The following HS3ST6 variants were observed in gnomAD, a reference collection of about 807,000 sequenced individuals.
HS3ST6 encodes the protein heparan sulfate glucosamine 3-O-sulfotransferase 6.
In HS3ST6, 13 loss-of-function variants were observed where a neutral mutation model predicts 11.0. The observed-to-expected ratio is 1.18, with a 90% CI of 0.77 to 1.88. The LOEUF (loss-of-function observed/expected upper bound fraction) is 1.88, where lower values mean the gene tolerates loss of function less well. Ranked by LOEUF, HS3ST6 falls within the 40% of genes most tolerant of loss-of-function variation. HS3ST6 has a pLI of 0.00. For synonymous variants in HS3ST6, 232 were observed against 230.6 expected (o/e 1.01, Z -0.06); for missense variants, 541 against 494.4 (o/e 1.09, Z -0.89).
chr16:1,917,778 G>A, intron 1 of HS3ST6, 133 bp downstream of exon 1: 1 of 592,592 alleles, frequency 1.7e-6, no homozygotes, highest in Non-Finnish European at 2.6e-6. Flanking sequence ...GCCCCCACAG[G>A]GCGGTCCCAA....
intron 1 of HS3ST6, among the ~76,000 whole-genome samples, chr16:1,915,151 C>T (rs533209478): frequency 4.6e-5 from 7 of 152,234 alleles, no homozygotes; most frequent in Non-Finnish European, 8.8e-5. Context: ...CACAGGAGAC[C>T]GGGTTCTTCC....
At chr16:1,919,161 G>T (rs1238487443), upstream of HS3ST6, among the ~76,000 whole-genome samples, 1 of 152,236 alleles carries the variant, frequency 6.6e-6, no homozygotes, top group Non-Finnish European at 1.5e-5. Flanking sequence ...CATCTGCCCA[G>T]CCTTGGTCCA....
chr16:1,915,013 C>A (rs1314597668), intron 1 of HS3ST6, among the ~76,000 whole-genome samples: 1 of 152,154 alleles, frequency 6.6e-6, no homozygotes, highest in Non-Finnish European at 1.5e-5. Context: ...TTCATCCAGC[C>A]CTGGGCGACC....
chr16:1,913,203 G>A (rs989916052), intron 1 of HS3ST6, among the ~76,000 whole-genome samples: 9 of 152,256 alleles, frequency 5.9e-5, no homozygotes, highest in African/African-American at 9.6e-5. Context: ...AGTCGGAGAC[G>A]TGGCGGCGCC....
chr16:1,920,372 T>C (rs2082957223), upstream of HS3ST6, among the ~76,000 whole-genome samples: 1 of 137,456 alleles, frequency 7.3e-6, no homozygotes, highest in South Asian at 2.5e-4. Flanking sequence ...GTCTCAGCTG[T>C]TCCCACGGTC....
At chr16:1,917,864 C>A in intron 1 of HS3ST6, 47 bp downstream of exon 1, 1 of 1,289,066 alleles carries the variant, frequency 7.8e-7, no homozygotes, top group Non-Finnish European at 1.0e-6. Flanking sequence ...CGCACGATAC[C>A]CTCCCCAGGA....
rs973169542 is a variant in HS3ST6, at chr16:1,912,637, G to A, written c.414-432C>T. On this transcript the variant is annotated intron_variant, in intron 1 of 1. Transcript: ENST00000454677. The surrounding 1 kb of genome is among the most constrained non-coding windows in gnomAD (Gnocchi z 5.6). ...TTTCTCATCCCAGACCAAGTACCCC[G>A]AGGCCCGCCCGCCTAGATCACTTGA... Among the ~76,000 whole-genome samples, 2 of 151,928 alleles carry A rather than the reference G, an allele frequency of 1.3e-5. No homozygotes were observed. The highest frequency in any genetic ancestry group is 4.8e-5 in the African/African-American group (2 of 41,366).
Position 1,911,664 on chromosome 16 carries a change from G to A in HS3ST6, c.955C>T (p.Arg319Cys), listed in dbSNP as rs367946679. The A allele has an allele frequency of 5.8e-5, 93 of 1,610,776 alleles. No individual in the cohort carries two copies. Among genetic ancestry groups the A allele is most frequent in the East Asian group, 3.6e-4 (16 of 44,772 alleles). The part of the protein sequence containing the change: ...HPRVPQALVR[R>C]LQEFYRPFNR... ...AAGGGCCGGTAGAACTCCTGCAGGC[G>A]CCGGACCAGGGCCTGGGGCACGCGT... is the stretch of plus-strand genomic sequence containing the variant. Residue 319 changes from arginine (R) to cysteine (C), a missense_variant, in exon 2 of 2, where the codon CGC becomes TGC. By Grantham distance (180) the Arg-to-Cys change is radical. Coordinates refer to ENST00000454677, the MANE Select transcript of HS3ST6 (RefSeq NM_001009606.4).
chr16:1,920,291 C>T (rs1409971687), upstream of HS3ST6, among the ~76,000 whole-genome samples: 4 of 122,252 alleles, frequency 3.3e-5, no homozygotes, highest in South Asian at 3.1e-4. Context: ...GGAGCCCCCA[C>T]GGTCTCAGCC....
In HS3ST6 at chr16:1,911,864, A is replaced by T; in HGVS notation, c.755T>A (p.Leu252Gln). Reference sequence around the variant, plus strand: ...GACCTCTCCGGCCGGGTCGCTGACCAGACGCTCCCCGCTGACGAACAGGAA... The same window carrying T: ...GACCTCTCCGGCCGGGTCGCTGACCTGACGCTCCCCGCTGACGAACAGGAA... The part of the protein sequence containing the change: ...SHFLFVSGER[L>Q]VSDPAGEVGR... Residue 252 changes from leucine (L) to glutamine (Q), a missense_variant, in exon 2 of 2, where the codon CTG (leucine) becomes CAG (glutamine). Leu to Gln is a moderately radical substitution (Grantham distance 113). Coordinates refer to ENST00000454677, the MANE Select transcript of HS3ST6 (RefSeq NM_001009606.4). 1.2e-6 allele frequency: 2 copies of T among 1,609,154 alleles called. No homozygotes were observed. The highest frequency in any genetic ancestry group is 8.5e-7 in the Non-Finnish European group (1 of 1,177,260).
chr16:1,920,636 T>C (rs1177937925), upstream of HS3ST6, among the ~76,000 whole-genome samples: 1 of 152,122 alleles, frequency 6.6e-6, no homozygotes, highest in Non-Finnish European at 1.5e-5. Context: ...AGAAGGACTT[T>C]CCAGGAGGAA....
In HS3ST6 at chr16:1,918,292, G is replaced by A. The variant is rs551813899; in HGVS notation, c.32C>T (p.Ala11Val). MAGSGGLGGG[A>V]GGGQGAGAGQ... Reference sequence around the variant, plus strand: ...GGCCCCTGCGCCCTGGCCGCCCCCGGCCCCGCCGCCCAGGCCGCCGCTACC... The same window carrying A: ...GGCCCCTGCGCCCTGGCCGCCCCCGACCCCGCCGCCCAGGCCGCCGCTACC... Residue 11 changes from alanine (A) to valine (V), a missense_variant, in exon 1 of 2, where the codon GCC becomes GTC. Physicochemically the swap from Ala to Val is moderately conservative, Grantham distance 64. Transcript: ENST00000454677. This position sits in a 1 kb window ranked among gnomAD's most constrained non-coding sequence, Gnocchi z 6.0. 561 of 816,550 alleles carry A rather than the reference G, an allele frequency of 6.9e-4. 2 individuals carry two copies. In the African/African-American group the frequency reaches 8.4e-3, roughly 12 times the overall value. 50.6% of individuals were successfully genotyped at this position (816,550 alleles called of 1,614,324 possible).
upstream of HS3ST6, among the ~76,000 whole-genome samples, chr16:1,919,394 C>T (rs1000371419): frequency 6.6e-6 from 1 of 151,968 alleles, no homozygotes; most frequent in Non-Finnish European, 1.5e-5. Flanking sequence ...CGCCCAGCAG[C>T]AGCCTGCAGG....
At position 1,912,236 on chromosome 16, in the gene HS3ST6, G is replaced by C; in HGVS notation, c.414-31C>G. On this transcript the variant is annotated intron_variant, in intron 1 of 1. Coordinates refer to ENST00000454677, the MANE Select transcript of HS3ST6 (RefSeq NM_001009606.4). This position sits in a 1 kb window ranked among gnomAD's most constrained non-coding sequence, Gnocchi z 5.6. ...GGACGGGTGCAAGGAGAGGGGGCCT[G>C]AGCCTCCCCAGCCCTAGACCGGCCC... is the stretch of plus-strand genomic sequence containing the variant. 8 of 1,368,656 alleles carry C rather than the reference G, an allele frequency of 5.8e-6. No individual in the cohort carries two copies. Among genetic ancestry groups the C allele is most frequent in the Non-Finnish European group, 7.5e-6 (8 of 1,060,032 alleles). 84.8% of individuals were successfully genotyped at this position (1,368,656 alleles called of 1,614,324 possible).
In HS3ST6 at chr16:1,912,975, A is replaced by G. The variant is rs1016483683; in HGVS notation, c.414-770T>C. On this transcript the variant is annotated intron_variant, in intron 1 of 1. Transcript: ENST00000454677. The surrounding 1 kb of genome is among the most constrained non-coding windows in gnomAD (Gnocchi z 5.6). ...CCCAGCTAATTTTTGTATTTTTAGTAGAGACGGGGTTTCGCCATGTTGGCC... is the reference window on the plus strand; with the variant it reads ...CCCAGCTAATTTTTGTATTTTTAGTGGAGACGGGGTTTCGCCATGTTGGCC... Among the ~76,000 whole-genome samples the G allele has an allele frequency of 1.4e-4, 22 of 152,034 alleles. No individual in the cohort carries two copies. Among genetic ancestry groups the G allele is most frequent in the Non-Finnish European group, 2.4e-4 (16 of 67,992 alleles).
At chr16:1,918,530 G>A (rs1429144607), upstream of HS3ST6, 5 of 150,160 alleles carry the variant, frequency 3.3e-5, no homozygotes, top group Non-Finnish European at 7.3e-5. This position sits in a 1 kb window ranked among gnomAD's most constrained non-coding sequence, Gnocchi z 6.0. Context: ...CGAGGCCACT[G>A]CCTGGGCTGG....
chr16:1,916,631 A>G (rs2082928431), intron 1 of HS3ST6, among the ~76,000 whole-genome samples: 1 of 151,736 alleles, frequency 6.6e-6, no homozygotes, highest in Admixed American at 6.6e-5. Context: ...CTCAGATCCC[A>G]CCCCCAGTCT....
chr16:1,913,034 C>T (rs914466864), intron 1 of HS3ST6, among the ~76,000 whole-genome samples: 7 of 152,068 alleles, frequency 4.6e-5, no homozygotes, highest in African/African-American at 1.4e-4. Flanking sequence ...TCAGGTGATC[C>T]GCCTGCCTCA....
chr16:1,914,105 AG>A, intron 1 of HS3ST6, among the ~76,000 whole-genome samples: 1 of 152,108 alleles, frequency 6.6e-6, no homozygotes, highest in South Asian at 2.1e-4. Flanking sequence ...TGGGAGGGGC[AG>A]GGGTGCTGGG....
Sources: allele counts gnomAD v4.1 joint callset (sites outside exome capture counted in the v4.1 genomes callset), GRCh38; gene constraint gnomAD v4.1.1; non-coding constraint Gnocchi (gnomAD v3.1); transcripts MANE v1.5; gene names NCBI Gene and HGNC (gene_info 2026-07-23, HGNC 2026-07-21).